Variants in IL11 observed in about 807,000 individuals in gnomAD.
The protein encoded by IL11 is interleukin 11.
Under a neutral mutation model 18.1 loss-of-function variants are expected in IL11, and 17 were observed. The ratio of observed to expected loss-of-function variants is 0.94; its 90% CI spans 0.64 to 1.41. IL11 has a LOEUF of 1.41. IL11 is among the 40% of genes most tolerant of loss of function. IL11 has a pLI of 0.00. For synonymous variants in IL11, 144 were observed against 134.1 expected (o/e 1.07, Z -0.51); for missense variants, 309 against 262.8 (o/e 1.18, Z -1.22).
rs552022910 is a variant in IL11, at chr19:55,367,085, C to A, written c.430-908G>T. Among the ~76,000 whole-genome samples, 3 of 152,198 alleles carry A rather than the reference C, an allele frequency of 2.0e-5. No homozygotes were observed. The East Asian group carries it at 5.8e-4, about 29-fold the overall frequency. ...AAGTTCAGGAACTCATGGGTGAGGGCTGGAGTCTCAGAGCTAGAAGTTGGA... is the reference window on the plus strand; with the variant it reads ...AAGTTCAGGAACTCATGGGTGAGGGATGGAGTCTCAGAGCTAGAAGTTGGA... On this transcript the variant is annotated intron_variant, in intron 4 of 4. Coordinates refer to ENST00000264563, the MANE Select transcript of IL11 (RefSeq NM_000641.4).
chr19:55,367,503 C>T (rs2089792978), intron 4 of IL11, among the ~76,000 whole-genome samples: 1 of 143,370 alleles, frequency 7.0e-6, no homozygotes, highest in Non-Finnish European at 1.5e-5. Context: ...TCTTGTTGCC[C>T]AGGCTGGAGT....
At position 55,370,415 on chromosome 19, in the gene IL11, C is replaced by T. The variant is rs2123245889; in HGVS notation, c.-105G>A. On this transcript the variant is annotated 5_prime_UTR_variant, in exon 1 of 5. Coordinates refer to ENST00000264563, the MANE Select transcript of IL11 (RefSeq NM_000641.4). ...GGAGCCCCGAGGGTCAGCTGGGCCG[C>T]GGCCTGGGGAGGGGAGGCATGTGCC... 3 of 884,464 alleles carry T rather than the reference C, an allele frequency of 3.4e-6. No homozygotes were observed. Among genetic ancestry groups the T allele is most frequent in the African/African-American group, 3.6e-5 (2 of 55,764 alleles). The allele number at this position is 884,464 out of a possible 1,614,324, so 54.8% of individuals were successfully genotyped here.
At chr19:55,370,164 T>C in intron 1 of IL11, 140 bp downstream of exon 1, 1 of 707,146 alleles carries the variant, frequency 1.4e-6, no homozygotes, top group East Asian at 2.9e-5. Flanking sequence ...GCCTCCTGTC[T>C]CCGAAGCTGC....
Position 55,364,417 on chromosome 19 carries a change from A to T in IL11, c.*1590T>A, listed in dbSNP as rs1326545722. On this transcript the variant is annotated 3_prime_UTR_variant, in exon 5 of 5. Coordinates refer to ENST00000264563, the MANE Select transcript of IL11 (RefSeq NM_000641.4). ...CTAAAAATAGTGTTTATTATTTTTA[A>T]AATGTGTCATGCAAAATACACAGTC... is the stretch of plus-strand genomic sequence containing the variant. 1 of 152,238 alleles carries T rather than the reference A, an allele frequency of 6.6e-6. No homozygotes were observed. The highest frequency in any genetic ancestry group is 2.4e-5 in the African/African-American group (1 of 41,452). The allele number at this position is 152,238 out of a possible 1,614,324, so 9.4% of individuals were successfully genotyped here. A position where few individuals can be genotyped will look rare whatever the true frequency, so the allele number is the denominator to read the frequency against.
In IL11 at chr19:55,366,115, G is replaced by GGGGGGCGCCAGC. The variant is rs1260524108; in HGVS notation, c.480_491dup (p.Leu161_Pro164dup). ...CCCTGATGCCCCCCCAGGCTGAGGA[G>GGGGGGCGCCAGC]GGGGGCGCCAGCGGGGGCGCCGGCG... is the stretch of plus-strand genomic sequence containing the variant. On this transcript the variant is annotated inframe_insertion, in exon 5 of 5. Coordinates refer to ENST00000264563, the MANE Select transcript of IL11 (RefSeq NM_000641.4). This position sits in a 1 kb window ranked among gnomAD's most constrained non-coding sequence, Gnocchi z 4.6. 5 of 1,550,296 alleles carry GGGGGGCGCCAGC rather than the reference G, an allele frequency of 3.2e-6. No homozygotes were observed. The highest frequency in any genetic ancestry group is 4.3e-6 in the Non-Finnish European group (5 of 1,150,084).
rs1218030464 is a variant in IL11, at chr19:55,366,489, T to G, written c.430-312A>C. 6.6e-6 allele frequency among the ~76,000 whole-genome samples: 1 copy of G among 151,894 alleles called. No individual in the cohort carries two copies. The highest frequency in any genetic ancestry group is 1.5e-5 in the Non-Finnish European group (1 of 67,980). ...GTCGCCGGGGCTGGAATCTCAGAGC[T>G]GGGTTTTTGTTGTTGTGGCTGCTGT... On this transcript the variant is annotated intron_variant, in intron 4 of 4. Transcript: ENST00000264563. This position sits in a 1 kb window ranked among gnomAD's most constrained non-coding sequence, Gnocchi z 4.6.
In IL11 at chr19:55,366,563, C is replaced by G. The variant is rs1208104064; in HGVS notation, c.430-386G>C. On this transcript the variant is annotated intron_variant, in intron 4 of 4. Coordinates refer to ENST00000264563, the MANE Select transcript of IL11 (RefSeq NM_000641.4). This position sits in a 1 kb window ranked among gnomAD's most constrained non-coding sequence, Gnocchi z 4.6. ...CGGGGGCTCACGCCTGTTATCCCAG[C>G]GCTTTGGGAGGCCGAGGCGGGCGGA... Among the ~76,000 whole-genome samples the G allele has an allele frequency of 6.6e-6, 1 of 152,026 alleles. No individual in the cohort carries two copies. Among genetic ancestry groups the G allele is most frequent in the East Asian group, 1.9e-4 (1 of 5,168 alleles).
chr19:55,368,681 A>G, intron 2 of IL11, 88 bp downstream of exon 2: 1 of 1,494,238 alleles, frequency 6.7e-7, no homozygotes, highest in Non-Finnish European at 9.1e-7. Context: ...CTGAGAGCCC[A>G]GAACCCCTCC....
intron 4 of IL11, 92 bp downstream of exon 4, chr19:55,368,118 G>T: frequency 8.6e-7 from 1 of 1,166,626 alleles, no homozygotes; most frequent in Admixed American, 2.5e-5. Flanking sequence ...TTGCACTCGG[G>T]TCTGGGGTCT....
rs1252305380 is a variant in IL11 at position 55,365,574 on chromosome 19, T to A, written c.*433A>T. The A allele has an allele frequency of 2.1e-5, 4 of 186,928 alleles. No homozygotes were observed. The highest frequency in any genetic ancestry group is 4.4e-5 in the Non-Finnish European group (4 of 90,682). The allele number at this position is 186,928 out of a possible 1,614,324, so 11.6% of individuals were successfully genotyped here. The stretch of plus-strand genomic sequence containing the variant: ...CCCTCAAGTGGATATGTATGACACA[T>A]TTAATTCCCTGTTCTCTGTCTCACA... On this transcript the variant is annotated 3_prime_UTR_variant, in exon 5 of 5. Transcript: ENST00000264563.
intron 1 of IL11, among the ~76,000 whole-genome samples, chr19:55,370,061 G>A (rs1411308887): frequency 1.3e-5 from 2 of 152,064 alleles, no homozygotes; most frequent in Non-Finnish European, 2.9e-5. Flanking sequence ...GCTCCCTCTC[G>A]GGGCCCTGTC....
At chr19:55,367,749 C>T (rs919092172) in intron 4 of IL11, among the ~76,000 whole-genome samples, 1 of 152,092 alleles carries the variant, frequency 6.6e-6, no homozygotes, top group East Asian at 1.9e-4. Context: ...CGTGAGCCAC[C>T]ACGCCTGGCC....
Position 55,365,989 on chromosome 19 carries a change from G to C in IL11, c.*18C>G. 6.3e-7 allele frequency: 1 copy of C among 1,589,130 alleles called. No homozygotes were observed. Among genetic ancestry groups the C allele is most frequent in the Middle Eastern group, 1.7e-4 (1 of 5,882 alleles). ...AAGATCTGGCTTTGGAAGGACGGTG[G>C]TGGCTTTGGGCCCCGGGTCACAGCC... On this transcript the variant is annotated 3_prime_UTR_variant, in exon 5 of 5. Coordinates refer to ENST00000264563, the MANE Select transcript of IL11 (RefSeq NM_000641.4).
In IL11 at chr19:55,368,949, C is replaced by T; in HGVS notation, c.8-8G>A. On this transcript the variant is annotated splice_polypyrimidine_tract_variant and splice_region_variant and intron_variant, in intron 1 of 4. Coordinates refer to ENST00000264563, the MANE Select transcript of IL11 (RefSeq NM_000641.4). ...GGACCAGGCGGCAAACACCTGGGGG[C>T]AGGATAAGGCAGAGAGCTCAGGCTG... The T allele has an allele frequency of 6.7e-7, 1 of 1,485,946 alleles. No homozygotes were observed. The highest frequency in any genetic ancestry group is 9.0e-7 in the Non-Finnish European group (1 of 1,112,056). The allele number at this position is 1,485,946 out of a possible 1,614,324, so 92.0% of individuals were successfully genotyped here.
intron 4 of IL11, among the ~76,000 whole-genome samples, chr19:55,367,283 G>C (rs1210298878): frequency 6.6e-6 from 1 of 151,850 alleles, no homozygotes; most frequent in Non-Finnish European, 1.5e-5. Context: ...AGGGCCTCAG[G>C]GCTCGGGGTC....
Position 55,368,864 on chromosome 19 carries a change from G to C in IL11, c.85C>G (p.Pro29Ala), listed in dbSNP as rs754658079. 2.2e-5 allele frequency: 34 copies of C among 1,578,580 alleles called. No homozygotes were observed. In the African/African-American group the frequency reaches 3.1e-4, roughly 14 times the overall value. ...GCCCGAGGGTCTGGGGAAACTCGAG[G>C]GGGGCCAGGTGGTGGCCCAGGGGCG... is the stretch of plus-strand genomic sequence containing the variant. ...AVAPGPPPGPPRVSPDPRAEL... is the reference protein window; with the variant it reads ...AVAPGPPPGPARVSPDPRAEL... Residue 29 changes from proline to alanine, a missense_variant, in exon 2 of 5, where the codon CCT becomes GCT. Transcript: ENST00000264563.
chr19:55,368,549 G>A lies in IL11; in HGVS notation c.201C>T (p.Asp67=), dbSNP rs531513552. The change falls in exon 3 of 5, where the codon GAC becomes GAT. Residue 67 remains aspartate, a synonymous_variant. Coordinates refer to ENST00000264563, the MANE Select transcript of IL11 (RefSeq NM_000641.4). ...GCAGGGAATCCAGGTTGTGGTCCCCGTCAGCTGGGAATTTGTCCCTCTGGC... is the reference window on the plus strand; with the variant it reads ...GCAGGGAATCCAGGTTGTGGTCCCCATCAGCTGGGAATTTGTCCCTCTGGC... The part of the protein sequence containing the change: ...AAQLRDKFPA[D]GDHNLDSLPT... 1.1e-5 allele frequency: 18 copies of A among 1,612,394 alleles called. No homozygotes were observed. Among genetic ancestry groups the A allele is most frequent in the South Asian group, 5.5e-5 (5 of 90,650 alleles).
chr19:55,370,344 G>A lies in IL11; in HGVS notation c.-34C>T. ...AGGGCCAGGGGTTCCCCAGGGCAGG[G>A]GGCAGGGAGCCGGGGGCCTTTAACC... On this transcript the variant is annotated 5_prime_UTR_variant, in exon 1 of 5. Transcript: ENST00000264563. 5 of 1,408,966 alleles carry A rather than the reference G, an allele frequency of 3.5e-6. No homozygotes were observed. The highest frequency in any genetic ancestry group is 4.7e-6 in the Non-Finnish European group (5 of 1,072,374). The allele number at this position is 1,408,966 out of a possible 1,614,324, so 87.3% of individuals were successfully genotyped here.
At position 55,370,187 on chromosome 19, in the gene IL11, C is replaced by A. The variant is rs1443688764; in HGVS notation, c.7+117G>T. On this transcript the variant is annotated intron_variant, in intron 1 of 4. Transcript: ENST00000264563. ...TCTCCGAAGCTGCTCTCCTCCCCGG[C>A]TGCCTGTCTCCGGGTCCCTCTCTGT... 7.8e-6 allele frequency: 6 copies of A among 765,560 alleles called. No homozygotes were observed. In the East Asian group the frequency reaches 1.7e-4, roughly 22 times the overall value. The allele number at this position is 765,560 out of a possible 1,614,324, so 47.4% of individuals were successfully genotyped here.
Sources: gnomAD v4.1 joint callset for allele counts (sites outside exome capture counted in the v4.1 genomes callset) on GRCh38, gnomAD v4.1.1 for gene constraint, Gnocchi (gnomAD v3.1) non-coding constraint, MANE v1.5 for transcripts, NCBI Gene and HGNC (gene_info 2026-07-23, HGNC 2026-07-21) for gene names.